Variants in MYH16 observed in about 807,000 individuals in gnomAD.
MYH16 encodes myosin heavy chain 16.
chr7:99,288,230 C>A (rs1792312942), intron 29 of MYH16, 93 bp downstream of exon 10: 1 of 420,356 alleles, frequency 2.4e-6, no homozygotes, highest in South Asian at 1.7e-5. Flanking sequence ...TTTTGAGAGG[C>A]CAGGAGTTGG....
In MYH16 at chr7:99,291,463, G is replaced by A. The variant is rs946779551; in HGVS notation, n.3952+13G>A. 2 of 456,278 alleles carry A rather than the reference G, an allele frequency of 4.4e-6. No homozygotes were observed. The highest frequency in any genetic ancestry group is 8.8e-6 in the Non-Finnish European group (2 of 226,716). 28.3% of individuals were successfully genotyped at this position (456,278 alleles called of 1,614,324 possible). On this transcript the variant is annotated intron_variant and non_coding_transcript_variant, in intron 31 of 41. Transcript: ENST00000439784. The stretch of plus-strand genomic sequence containing the variant: ...TGAAGAGTCAAAGGTTTGTTTGGAC[G>A]TGGGGTTGCGGTGGAGACAGAGCTG...
rs145047597 is a variant in MYH16, at chr7:99,296,889, C to T, written n.4471C>T. ...AGGAGTCTCTGGAGCATCTAGAGTCCGTGAAGAAGGAGAATAAGACCCTGC... is the reference window on the plus strand; with the variant it reads ...AGGAGTCTCTGGAGCATCTAGAGTCTGTGAAGAAGGAGAATAAGACCCTGC... On this transcript the variant is annotated non_coding_transcript_exon_variant, in exon 34 of 42. Coordinates refer to ENST00000439784, the Ensembl canonical transcript of MYH16. 2.8e-3 allele frequency: 1,272 copies of T among 457,170 alleles called. 11 individuals are homozygous for T. Among genetic ancestry groups the T allele is most frequent in the African/African-American group, 0.018 (878 of 50,102 alleles). 28.3% of individuals were successfully genotyped at this position (457,170 alleles called of 1,614,324 possible). A position where few individuals can be genotyped will look rare whatever the true frequency, so the allele number is the denominator to read the frequency against.
intron 33 of MYH16, among the ~76,000 whole-genome samples, chr7:99,296,015 G>A (rs976500720): frequency 1.3e-5 from 2 of 151,256 alleles, no homozygotes; most frequent in Non-Finnish European, 2.9e-5. Flanking sequence ...GGTGGCGCAC[G>A]CCTGTGTAAT....
At chr7:99,294,510 A>G (rs1792444265) in intron 33 of MYH16, among the ~76,000 whole-genome samples, 1 of 135,564 alleles carries the variant, frequency 7.4e-6, no homozygotes, top group Non-Finnish European at 1.5e-5. Context: ...CAAAAAAAAA[A>G]AAAAAAAAAA....
At chr7:99,254,266 G>A (rs908968798) in intron 8 of MYH16, 6 of 152,110 alleles carry the variant, frequency 3.9e-5, no homozygotes, top group Non-Finnish European at 7.3e-5. Flanking sequence ...AAAAAGAAAA[G>A]AAAAGAAAAT....
chr7:99,240,994 A>C (rs1791661009), intron 1 of MYH16, among the ~76,000 whole-genome samples: 2 of 152,222 alleles, frequency 1.3e-5, no homozygotes, highest in African/African-American at 4.8e-5. Flanking sequence ...CAGGAGAAAC[A>C]GTTTTCAGAG....
At chr7:99,281,919 C>T (rs1792204085) in intron 23 of MYH16, among the ~76,000 whole-genome samples, 1 of 152,238 alleles carries the variant, frequency 6.6e-6, no homozygotes, top group Non-Finnish European at 1.5e-5. Flanking sequence ...GTGCCTCTCC[C>T]TGCTGCCTCG....
chr7:99,271,596 A>AT (rs1020682601), intron 19 of MYH16, among the ~76,000 whole-genome samples: 1 of 152,196 alleles, frequency 6.6e-6, no homozygotes. Context: ...ATTTTTAAAA[A>AT]TTTTTTTACT....
At position 99,298,001 on chromosome 7, in the gene MYH16, G is replaced by A; in HGVS notation, n.4740+6G>A. The A allele has an allele frequency of 2.2e-6, 1 of 456,700 alleles. No homozygotes were observed. Among genetic ancestry groups the A allele is most frequent in the Non-Finnish European group, 4.4e-6 (1 of 226,962 alleles). 28.3% of individuals were successfully genotyped at this position (456,700 alleles called of 1,614,324 possible). On this transcript the variant is annotated splice_donor_region_variant and intron_variant and non_coding_transcript_variant, in intron 36 of 41. Coordinates refer to ENST00000439784, the Ensembl canonical transcript of MYH16. Reference sequence around the variant, plus strand: ...GAAGAATTTGAGGCTACCAGGTATGGAGCTGGTGGGATGGGAGGCTGACTC... The same window carrying A: ...GAAGAATTTGAGGCTACCAGGTATGAAGCTGGTGGGATGGGAGGCTGACTC...
At chr7:99,290,974 G>A in intron 30 of MYH16, 1 of 157,618 alleles carries the variant, frequency 6.3e-6, no homozygotes, top group Non-Finnish European at 1.4e-5. Flanking sequence ...AGGAGTGTAG[G>A]TTCTGGAATT....
At position 99,295,331 on chromosome 7, in the gene MYH16, C is replaced by T. The variant is rs1045422216; in HGVS notation, n.4282+1181C>T. On this transcript the variant is annotated intron_variant and non_coding_transcript_variant, in intron 33 of 41. Transcript: ENST00000439784. Reference sequence around the variant, plus strand: ...GAGGTGGAGTTGCAGTGAGCCAAATCGTGCCACTGCACTCCAGCCTAGGTG... The same window carrying T: ...GAGGTGGAGTTGCAGTGAGCCAAATTGTGCCACTGCACTCCAGCCTAGGTG... Among the ~76,000 whole-genome samples the T allele has an allele frequency of 6.2e-4, 93 of 149,930 alleles. 1 individual carries two copies. The highest frequency in any genetic ancestry group is 2.0e-4 in the East Asian group (1 of 4,966).
chr7:99,292,242 G>C (rs374069739), intron 31 of MYH16, 70 bp from the exon 13 acceptor site: 5 of 417,324 alleles, frequency 1.2e-5, no homozygotes, highest in African/African-American at 1.0e-4. Flanking sequence ...CCAGTGTTAC[G>C]TGTATCTAAG....
At chr7:99,242,806 A>G (rs1464755004) in intron 1 of MYH16, among the ~76,000 whole-genome samples, 2 of 152,060 alleles carry the variant, frequency 1.3e-5, no homozygotes, top group African/African-American at 2.4e-5. Context: ...GAGAGAGAGA[A>G]ATGGAAAAGC....
chr7:99,282,270 C>A (rs1032531440), intron 23 of MYH16, among the ~76,000 whole-genome samples: 21 of 152,314 alleles, frequency 1.4e-4, no homozygotes, highest in African/African-American at 5.1e-4. Flanking sequence ...AAGTGATCCT[C>A]CCACCTGAGC....
Position 99,245,559 on chromosome 7 carries a change from G to A in MYH16, n.355-2035G>A, listed in dbSNP as rs953462123. Among the ~76,000 whole-genome samples, 11 of 151,978 alleles carry A rather than the reference G, an allele frequency of 7.2e-5. No homozygotes were observed. In the East Asian group the frequency reaches 7.7e-4, roughly 11 times the overall value. On this transcript the variant is annotated intron_variant and non_coding_transcript_variant, in intron 2 of 41. Transcript: ENST00000439784. The stretch of plus-strand genomic sequence containing the variant: ...GTTTGTTTGTTTGAGATGGAGTCTC[G>A]CTCTGTTGCCCAGGCTGGAGTGCAG...
At chr7:99,243,912 T>G (rs1791698591) in intron 2 of MYH16, among the ~76,000 whole-genome samples, 1 of 151,524 alleles carries the variant, frequency 6.6e-6, no homozygotes, top group Non-Finnish European at 1.5e-5. Context: ...CAAACATCCA[T>G]CCATCCATCC....
intron 37 of MYH16, among the ~76,000 whole-genome samples, chr7:99,300,039 A>C (rs558834986): frequency 5.1e-4 from 78 of 151,538 alleles, no homozygotes; most frequent in African/African-American, 1.7e-3. Context: ...GGCTCACTGT[A>C]ACCTCTGCCT....
chr7:99,303,447 C>A (rs1458712412), intron 39 of MYH16, among the ~76,000 whole-genome samples: 1 of 152,266 alleles, frequency 6.6e-6, no homozygotes, highest in Non-Finnish European at 1.5e-5. Context: ...CGGGGTCTTG[C>A]ATCAAAGAAG....
At chr7:99,289,347 G>A (rs988354520) in exon 30 of MYH16, 2 of 444,934 alleles carry the variant, frequency 4.5e-6, no homozygotes, top group African/African-American at 4.0e-5. Flanking sequence ...CAACGCCAAG[G>A]TGGCAGAGCT....
Sources: gnomAD v4.1 joint callset for allele counts (sites outside exome capture counted in the v4.1 genomes callset) on GRCh38, gnomAD v4.1.1 for gene constraint, MANE v1.5 for transcripts, NCBI Gene and HGNC (gene_info 2026-07-23, HGNC 2026-07-21) for gene names.